The following RELN variants were observed in gnomAD, a reference collection of about 807,000 sequenced individuals.
RELN encodes reelin.
Under a neutral mutation model 427.6 loss-of-function variants are expected in RELN, and 108 were observed. That is an observed-to-expected ratio of 0.25 (90% confidence interval 0.22 to 0.30). The LOEUF (loss-of-function observed/expected upper bound fraction) is 0.30. Ranked by LOEUF, RELN falls within the 10% of genes least tolerant of loss-of-function variation. The pLI, the probability that RELN is intolerant of heterozygous loss-of-function variation, is 1.00. For synonymous variants in RELN, 1,524 were observed against 1,513.4 expected, an observed-to-expected ratio of 1.01 and a Z score of -0.16; for missense variants, 3,715 against 4,302.8, an observed-to-expected ratio of 0.86 and a Z score of 3.82.
At chr7:103,890,825 C>T (rs962552939) in intron 2 of RELN, among the ~76,000 whole-genome samples, 1 of 152,198 alleles carries the variant, frequency 6.6e-6, no homozygotes, top group Non-Finnish European at 1.5e-5. Context: ...CGCCTGTAAT[C>T]CCAGCACTTT....
At chr7:103,958,379 T>A (rs1796478687) in intron 1 of RELN, among the ~76,000 whole-genome samples, 1 of 152,220 alleles carries the variant, frequency 6.6e-6, no homozygotes, top group Non-Finnish European at 1.5e-5. Flanking sequence ...AGGTCTGATT[T>A]GTGACAGATT....
intron 4 of RELN, among the ~76,000 whole-genome samples, chr7:103,773,179 CTTCT>C (rs1791630116): frequency 1.9e-5 from 2 of 103,474 alleles, no homozygotes; most frequent in Non-Finnish European, 4.1e-5. Context: ...TCTTTCTTTC[CTTCT>C]TTCTTTTCTT....
intron 2 of RELN, among the ~76,000 whole-genome samples, chr7:103,912,305 C>G (rs549031747): frequency 6.6e-6 from 1 of 151,848 alleles, no homozygotes. Flanking sequence ...AAGTGATTCT[C>G]CTGCAAGTAC....
Position 103,989,014 on chromosome 7 carries a change from G to A in RELN, c.226+117C>T. The A allele has an allele frequency of 1.1e-6, 1 of 905,138 alleles. No individual in the cohort carries two copies. 56.1% of individuals were successfully genotyped at this position (905,138 alleles called of 1,614,324 possible). Reference sequence around the variant, plus strand: ...CTCCCTGGACCAAGCGCATCGCTGGGGCCAGGGTTGTCATGGTTCTTGTTT... The same window carrying A: ...CTCCCTGGACCAAGCGCATCGCTGGAGCCAGGGTTGTCATGGTTCTTGTTT... On this transcript the variant is annotated intron_variant, in intron 1 of 64. Transcript: ENST00000428762. The surrounding 1 kb of genome is among the most constrained non-coding windows in gnomAD (Gnocchi z 4.9).
intron 8 of RELN, among the ~76,000 whole-genome samples, chr7:103,711,006 T>C (rs978979751): frequency 6.6e-6 from 1 of 152,176 alleles, no homozygotes; most frequent in Non-Finnish European, 1.5e-5. Flanking sequence ...AGCACGCCAC[T>C]GTACTCCAGC....
Position 103,882,138 on chromosome 7 carries a change from G to C in RELN, c.337+34937C>G, listed in dbSNP as rs1306933787. Among the ~76,000 whole-genome samples, 4 of 152,300 alleles carry C rather than the reference G, an allele frequency of 2.6e-5. No homozygotes were observed. The South Asian group carries it at 8.3e-4, about 32-fold the overall frequency. On this transcript the variant is annotated intron_variant, in intron 2 of 64. Coordinates refer to ENST00000428762, the MANE Select transcript of RELN (RefSeq NM_005045.4). ...GGGAAGCCAACAAAATGAAAGAAAAGGAGAAATAATGAAAATAACTAATGC... is the reference window on the plus strand; with the variant it reads ...GGGAAGCCAACAAAATGAAAGAAAACGAGAAATAATGAAAATAACTAATGC...
In RELN at chr7:103,634,869, C is replaced by CT. The variant is rs113778229; in HGVS notation, c.2465+555dup. Among the ~76,000 whole-genome samples, 882 of 148,410 alleles carry CT rather than the reference C, an allele frequency of 5.9e-3. 4 individuals carry two copies. Among genetic ancestry groups the CT allele is most frequent in the Non-Finnish European group, 8.2e-3 (548 of 66,810 alleles). On this transcript the variant is annotated intron_variant, in intron 19 of 64. Transcript: ENST00000428762. ...AAAACAGTGTTAATTACTTTTCTCT[C>CT]TTTTTTTTTTGAGACAGTCTCGCTC...
In RELN at chr7:103,719,597, G is replaced by T. The variant is rs535061616; in HGVS notation, c.805+3543C>A. Among the ~76,000 whole-genome samples the T allele has an allele frequency of 8.1e-4, 72 of 89,218 alleles. 1 individual carries two copies. The highest frequency in any genetic ancestry group is 5.2e-3 in the African/African-American group (70 of 13,364). 58.5% of individuals were successfully genotyped at this position (89,218 alleles called of 152,430 possible). A position where few individuals can be genotyped will look rare whatever the true frequency, so the allele number is the denominator to read the frequency against. ...CACAACAAATATTCAGTGAAATTTT[G>T]TTAAGACTGTGTGGTAGACACAAGG... On this transcript the variant is annotated intron_variant, in intron 8 of 64. Coordinates refer to ENST00000428762, the MANE Select transcript of RELN (RefSeq NM_005045.4).
In RELN at chr7:103,483,675, T is replaced by G. The variant is rs770414178; in HGVS notation, c.10159A>C (p.Arg3387=). 1 of 1,614,172 alleles carries G rather than the reference T, an allele frequency of 6.2e-7. No individual in the cohort carries two copies. Among genetic ancestry groups the G allele is most frequent in the Non-Finnish European group, 8.5e-7 (1 of 1,180,022 alleles). The change falls in exon 62 of 65, where the codon AGA becomes CGA. Residue 3387 remains arginine, a synonymous_variant. Transcript: ENST00000428762. ...HQPKDFTQAQ[R]VSYNVPLEAR... ...TACAGGGGGACATTGTAAGACACTC[T>G]CTGAGCTTGTGTGAAGTCCTTTGGC... is the stretch of plus-strand genomic sequence containing the variant.
rs929569135 is a variant in RELN at position 103,701,086 on chromosome 7, A to G, written c.806-80T>C. The G allele has an allele frequency of 7.3e-5, 62 of 851,984 alleles. 1 individual carries two copies. In the African/African-American group the frequency reaches 8.0e-4, roughly 11 times the overall value. The allele number at this position is 851,984 out of a possible 1,614,324, so 52.8% of individuals were successfully genotyped here. A position where few individuals can be genotyped will look rare whatever the true frequency, so the allele number is the denominator to read the frequency against. The stretch of plus-strand genomic sequence containing the variant: ...TTATCTTTTCTGATAAATATTTTAG[A>G]TAATTTTTAAACTATTAGATATTTG... On this transcript the variant is annotated intron_variant, in intron 8 of 64. Coordinates refer to ENST00000428762, the MANE Select transcript of RELN (RefSeq NM_005045.4).
chr7:103,625,540 A>G (rs1042350099), intron 20 of RELN, among the ~76,000 whole-genome samples: 4 of 152,152 alleles, frequency 2.6e-5, no homozygotes, highest in Admixed American at 2.0e-4. Context: ...TTTCATTGAG[A>G]CAGTGAAGGG....
chr7:103,700,933 G>T lies in RELN; in HGVS notation c.879C>A (p.Asp293Glu). ...IVLYAKNNSADWIQLEKIRAP... is the reference protein window; with the variant it reads ...IVLYAKNNSAEWIQLEKIRAP... ...ACCTAATTTTCTCTAGCTGAATCCA[G>T]TCCGCAGAGTTATTCTTGGCATATA... is the stretch of plus-strand genomic sequence containing the variant. Residue 293 changes from aspartate to glutamate, a missense_variant, in exon 9 of 65, where the codon GAC becomes GAA. By Grantham distance (45) the Asp-to-Glu change is conservative. Transcript: ENST00000428762. 6.2e-7 allele frequency: 1 copy of T among 1,608,892 alleles called. No homozygotes were observed. Among genetic ancestry groups the T allele is most frequent in the South Asian group, 1.1e-5 (1 of 90,932 alleles).
intron 8 of RELN, among the ~76,000 whole-genome samples, chr7:103,706,339 A>G (rs1834199713): frequency 6.6e-6 from 1 of 152,200 alleles, no homozygotes; most frequent in Non-Finnish European, 1.5e-5. Context: ...TTAATTGTGC[A>G]GTTCCAAGCA....
intron 49 of RELN, 148 bp downstream of exon 49, chr7:103,519,175 C>T (rs1423573908): frequency 4.6e-6 from 3 of 652,324 alleles, no homozygotes; most frequent in South Asian, 1.8e-5. Flanking sequence ...AGCTATTTAT[C>T]CAGCTCAGAA....
intron 61 of RELN, among the ~76,000 whole-genome samples, chr7:103,485,235 A>C (rs1022245984): frequency 1.0e-5 from 1 of 98,430 alleles, no homozygotes; most frequent in African/African-American, 5.0e-5. Flanking sequence ...AGGCCAAAAA[A>C]AAAAAAAAAA....
intron 10 of RELN, among the ~76,000 whole-genome samples, chr7:103,683,336 A>G (rs1355422918): frequency 6.6e-6 from 1 of 151,592 alleles, no homozygotes; most frequent in African/African-American, 2.4e-5. Context: ...TAAATAGTTC[A>G]ACAAATGAAT....
At chr7:103,497,300 C>T (rs2528876) in intron 55 of RELN, among the ~76,000 whole-genome samples, 69,284 of 152,014 alleles carry the variant, frequency 0.46, 17,747 homozygotes, top group African/African-American at 0.7. Flanking sequence ...TCTGCTAAAG[C>T]AGATTTTTCT....
intron 2 of RELN, among the ~76,000 whole-genome samples, chr7:103,854,742 G>C (rs1376165491): frequency 6.6e-6 from 1 of 152,194 alleles, no homozygotes; most frequent in Admixed American, 6.5e-5. Flanking sequence ...AGGGAACAAA[G>C]AACGTGTCAG....
At chr7:103,801,979 G>T (rs547166803) in intron 3 of RELN, among the ~76,000 whole-genome samples, 2 of 152,234 alleles carry the variant, frequency 1.3e-5, no homozygotes, top group South Asian at 4.1e-4. Flanking sequence ...TAATGCACTG[G>T]TACGTATTTA....
Sources: gnomAD v4.1 joint callset for allele counts (sites outside exome capture counted in the v4.1 genomes callset) on GRCh38, gnomAD v4.1.1 for gene constraint, Gnocchi (gnomAD v3.1) non-coding constraint, MANE v1.5 for transcripts, NCBI Gene and HGNC (gene_info 2026-07-23, HGNC 2026-07-21) for gene names.